Variants in GALNT14 observed in about 807,000 individuals in gnomAD.
The protein encoded by GALNT14 is polypeptide N-acetylgalactosaminyltransferase 14.
Under a neutral mutation model 77.5 loss-of-function variants are expected in GALNT14, and 60 were observed. The ratio of observed to expected loss-of-function variants is 0.77; its 90% confidence interval spans 0.63 to 0.96. The LOEUF (loss-of-function observed/expected upper bound fraction) is 0.96, where lower values mean the gene tolerates loss of function less well. Ranked by LOEUF, GALNT14 falls within the 40% of genes least tolerant of loss-of-function variation. The probability of loss-of-function intolerance (pLI) is 0.00; values close to 1 mark genes in which losing one functional copy is unlikely to be tolerated. For missense variants in GALNT14, 710 were observed against 731.0 expected, an observed-to-expected ratio of 0.97 and a Z score of 0.33; for synonymous variants, 280 against 281.7, an observed-to-expected ratio of 0.99 and a Z score of 0.06.
chr2:31,093,134 T>A (rs1676837242), intron 1 of GALNT14, among the ~76,000 whole-genome samples: 1 of 151,994 alleles, frequency 6.6e-6, no homozygotes, highest in Admixed American at 6.5e-5. Context: ...CGGCTGAAAG[T>A]GTAATATCTC....
intron 1 of GALNT14, among the ~76,000 whole-genome samples, chr2:31,074,887 G>C (rs1186149979): frequency 1.3e-5 from 2 of 152,142 alleles, no homozygotes; most frequent in Non-Finnish European, 2.9e-5. Context: ...GGGCCATGCT[G>C]TCCTCAACCC....
intron 3 of GALNT14, among the ~76,000 whole-genome samples, chr2:30,963,428 G>A (rs141762530): frequency 4.5e-4 from 69 of 152,326 alleles, no homozygotes; most frequent in Non-Finnish European, 7.2e-4. Flanking sequence ...CATTTAACAC[G>A]GTAATCTTAT....
rs191249090 is a variant in GALNT14, at chr2:31,124,137, G to A, written c.129+13821C>T. Among the ~76,000 whole-genome samples the A allele has an allele frequency of 6.6e-5, 10 of 152,336 alleles. No homozygotes were observed. The East Asian group carries it at 1.7e-3, about 27-fold the overall frequency. ...AAACTTGATCCAGTGACCTGGGGCA[G>A]GTGATTTTGCCCGCTCTGTCTCCCC... On this transcript the variant is annotated intron_variant, in intron 1 of 14. Transcript: ENST00000349752.
intron 13 of GALNT14, among the ~76,000 whole-genome samples, chr2:30,922,957 AGAGAAAAGAACAGT>A (rs1665121100): frequency 6.6e-6 from 1 of 152,060 alleles, no homozygotes; most frequent in Non-Finnish European, 1.5e-5. Flanking sequence ...AATCGTTTGT[AGAGAAAAGAACAGT>A]GAGCTGGGAA....
chr2:30,932,376 C>G (rs1665791641), intron 9 of GALNT14, among the ~76,000 whole-genome samples, 182 bp from the exon 10 acceptor site: 1 of 152,202 alleles, frequency 6.6e-6, no homozygotes, highest in African/African-American at 2.4e-5. Flanking sequence ...ATAGTCCTAC[C>G]ACTTTGGAGG....
At chr2:31,034,541 C>T (rs571350971) in intron 1 of GALNT14, among the ~76,000 whole-genome samples, 1 of 151,128 alleles carries the variant, frequency 6.6e-6, no homozygotes, top group South Asian at 2.1e-4. Context: ...GACTTTTGAT[C>T]TTTTTCTAGT....
intron 1 of GALNT14, among the ~76,000 whole-genome samples, chr2:31,046,447 C>G (rs1224910649): frequency 1.3e-5 from 2 of 152,102 alleles, no homozygotes; most frequent in Non-Finnish European, 2.9e-5. Context: ...CCAGGATGGT[C>G]TCGATCTCCT....
chr2:30,959,294 T>C (rs1016913482), intron 3 of GALNT14, among the ~76,000 whole-genome samples: 1 of 152,182 alleles, frequency 6.6e-6, no homozygotes, highest in African/African-American at 2.4e-5. Context: ...GTTTTGTACC[T>C]CACCCGCCTG....
At position 30,924,274 on chromosome 2, in the gene GALNT14, G is replaced by T; in HGVS notation, c.1236-11C>A. 1 of 1,613,932 alleles carries T rather than the reference G, an allele frequency of 6.2e-7. No individual in the cohort carries two copies. The highest frequency in any genetic ancestry group is 8.5e-7 in the Non-Finnish European group (1 of 1,179,796). On this transcript the variant is annotated splice_polypyrimidine_tract_variant and intron_variant, in intron 12 of 14. Coordinates refer to ENST00000349752, the MANE Select transcript of GALNT14 (RefSeq NM_024572.4). ...GACTCCTTGGGGATGCTGGAGGAGA[G>T]TCACAGGGAGAGAGGAGAGTCCACT...
At chr2:30,903,366 C>A in the GALNT14 span, among the ~76,000 whole-genome samples, 14 of 152,320 alleles carry the variant, frequency 9.2e-5, no homozygotes, top group East Asian at 2.7e-3. Context: ...ACACCTGATG[C>A]CTTGCTTCTC....
intron 1 of GALNT14, among the ~76,000 whole-genome samples, chr2:31,043,269 T>G (rs12619377): frequency 0.32 from 49,207 of 152,078 alleles, 8,231 homozygotes; most frequent in East Asian, 0.46. Context: ...TGCCTCAGTA[T>G]TCCCCCAGTC....
chr2:31,050,678 C>T (rs1014687658), intron 1 of GALNT14, among the ~76,000 whole-genome samples: 3 of 151,880 alleles, frequency 2.0e-5, no homozygotes, highest in South Asian at 2.1e-4. Context: ...AAGATGACAA[C>T]GTCAGGGGGA....
intron 1 of GALNT14, among the ~76,000 whole-genome samples, chr2:31,006,019 C>T (rs960228309): frequency 1.3e-5 from 2 of 152,176 alleles, no homozygotes; most frequent in African/African-American, 4.8e-5. Flanking sequence ...AGACCCCATA[C>T]TCCGAGGAAC....
At chr2:30,924,664 T>G in intron 12 of GALNT14, 76 bp downstream of exon 12, 1 of 1,255,112 alleles carries the variant, frequency 8.0e-7, no homozygotes, top group Non-Finnish European at 1.2e-6. Flanking sequence ...GGTCATTGTC[T>G]GTCTCTTCTC....
intron 1 of GALNT14, among the ~76,000 whole-genome samples, chr2:31,103,437 T>C (rs1336868311): frequency 1.3e-5 from 2 of 151,758 alleles, no homozygotes; most frequent in Non-Finnish European, 1.5e-5. Flanking sequence ...CAGCCAGTTG[T>C]GAAAGTGCAC....
intron 1 of GALNT14, among the ~76,000 whole-genome samples, chr2:31,062,459 C>T (rs1674663839): frequency 6.6e-6 from 1 of 152,164 alleles, no homozygotes; most frequent in Admixed American, 6.5e-5. Context: ...TCCAGTCTAT[C>T]ATTGATGGGC....
At chr2:30,989,678 A>ATAAATATATATATTAGTATATAT (rs1208131568) in intron 2 of GALNT14, among the ~76,000 whole-genome samples, 1 of 108,378 alleles carries the variant, frequency 9.2e-6, no homozygotes, top group Admixed American at 1.1e-4. Context: ...TAGTATATAT[A>ATAAATATATATATTAGTATATAT]AAAAATATAT....
At chr2:30,942,373 C>A in intron 8 of GALNT14, 69 bp from the exon 9 acceptor site, 3 of 1,223,734 alleles carry the variant, frequency 2.5e-6, no homozygotes, top group Non-Finnish European at 3.6e-6. Context: ...TTCTTCGGCC[C>A]CTTGAGTCTG....
At chr2:31,089,253 A>G (rs192587697) in intron 1 of GALNT14, among the ~76,000 whole-genome samples, 5 of 152,316 alleles carry the variant, frequency 3.3e-5, no homozygotes, top group Admixed American at 2.6e-4. Context: ...AGTAGGATTT[A>G]GGCATGCTTT....
Sources: gnomAD v4.1 joint callset for allele counts (sites outside exome capture counted in the v4.1 genomes callset) on GRCh38, gnomAD v4.1.1 for gene constraint, MANE v1.5 for transcripts, NCBI Gene and HGNC (gene_info 2026-07-23, HGNC 2026-07-21) for gene names.